Variants in ACOXL observed in about 807,000 individuals in gnomAD.
ACOXL encodes acyl-coenzyme A oxidase-like protein.
A neutral mutation model predicts 71.9 loss-of-function variants in ACOXL; 70 were observed. The ratio of observed to expected loss-of-function variants is 0.97; its 90% confidence interval spans 0.80 to 1.19. The LOEUF (loss-of-function observed/expected upper bound fraction) is 1.19. Among genes scored for constraint, ACOXL ranks in the 50% most tolerant of loss-of-function variants. The probability of loss-of-function intolerance (pLI) is 0.00; values close to 1 mark genes in which losing one functional copy is unlikely to be tolerated. For missense variants in ACOXL, 703 were observed against 736.3 expected (o/e 0.95, Z 0.52); for synonymous variants, 253 against 281.6 (o/e 0.90, Z 1.02).
intron 2 of ACOXL, among the ~76,000 whole-genome samples, chr2:110,783,901 T>A (rs72832815): frequency 0.037 from 5,657 of 152,214 alleles, 133 homozygotes; most frequent in African/African-American, 0.056. Context: ...AAATGAAACA[T>A]GTACAGTGTT....
At chr2:110,818,834 C>CAAGGGTTTTGACATGATGCCACGCTA (rs1573669668) in intron 9 of ACOXL, among the ~76,000 whole-genome samples, 20 of 127,562 alleles carry the variant, frequency 1.6e-4, no homozygotes, top group South Asian at 5.5e-4. Context: ...GTGCTGATGT[C>CAAGGGTTTTGACATGATGCCACGCTA]AGCACCCTGG....
intron 12 of ACOXL, among the ~76,000 whole-genome samples, chr2:110,974,365 C>A (rs2062351863): frequency 6.6e-6 from 1 of 152,204 alleles, no homozygotes; most frequent in African/African-American, 2.4e-5. Flanking sequence ...TTTCTGCAGG[C>A]TTTACATGTT....
intron 1 of ACOXL, among the ~76,000 whole-genome samples, chr2:110,739,297 G>A (rs925770499): frequency 1.3e-5 from 2 of 152,188 alleles, no homozygotes; most frequent in South Asian, 2.1e-4. Context: ...AATTCCTCCA[G>A]TGATGAATCT....
At chr2:110,990,257 C>G (rs907361717) in intron 13 of ACOXL, among the ~76,000 whole-genome samples, 1 of 152,092 alleles carries the variant, frequency 6.6e-6, no homozygotes, top group African/African-American at 2.4e-5. Context: ...TCCATACATA[C>G]TATATCCTTT....
chr2:110,761,541 T>C (rs1182409368), intron 1 of ACOXL, among the ~76,000 whole-genome samples: 1 of 152,238 alleles, frequency 6.6e-6, no homozygotes, highest in Non-Finnish European at 1.5e-5. Flanking sequence ...GAATATAATT[T>C]GGCTGAGGCT....
intron 16 of ACOXL, among the ~76,000 whole-genome samples, chr2:111,080,286 C>G (rs1293893704): frequency 1.3e-5 from 2 of 152,080 alleles, no homozygotes; most frequent in Non-Finnish European, 1.5e-5. Context: ...GCTCTTGCTT[C>G]TGTAGTTCTT....
chr2:111,084,299 A>G (rs2068087931), intron 16 of ACOXL, among the ~76,000 whole-genome samples: 1 of 146,992 alleles, frequency 6.8e-6, no homozygotes, highest in Non-Finnish European at 1.5e-5. Flanking sequence ...ACACACACAC[A>G]CACACACACA....
chr2:110,935,566 C>G (rs1450831817), intron 12 of ACOXL, among the ~76,000 whole-genome samples: 1 of 152,192 alleles, frequency 6.6e-6, no homozygotes, highest in Non-Finnish European at 1.5e-5. Flanking sequence ...TAACCCCACC[C>G]TGTTAGAGAA....
chr2:110,881,149 G>T (rs1206254257), intron 10 of ACOXL, among the ~76,000 whole-genome samples: 3 of 151,098 alleles, frequency 2.0e-5, no homozygotes, highest in African/African-American at 7.3e-5. Flanking sequence ...ATATTTATAT[G>T]TATATGTATG....
rs867662724 is a variant in ACOXL, at chr2:111,083,076, T to C, written c.1441-9789T>C. On this transcript the variant is annotated intron_variant, in intron 16 of 17. Coordinates refer to ENST00000439055, the MANE Select transcript of ACOXL (RefSeq NM_001142807.4). The stretch of plus-strand genomic sequence containing the variant: ...GAGGGATAGCATTAGGAGAAATACC[T>C]AATGTAGATGATGGGTTGATGGGTT... 3.3e-5 allele frequency among the ~76,000 whole-genome samples: 5 copies of C among 152,194 alleles called. No individual in the cohort carries two copies. In the South Asian group the frequency reaches 1.0e-3, roughly 32 times the overall value.
chr2:110,820,465 C>G (rs1458260724), intron 9 of ACOXL, among the ~76,000 whole-genome samples: 1 of 151,252 alleles, frequency 6.6e-6, no homozygotes, highest in Non-Finnish European at 1.5e-5. Flanking sequence ...GAGGAAATTT[C>G]AAGCAGGTGC....
intron 10 of ACOXL, among the ~76,000 whole-genome samples, chr2:110,908,408 T>C (rs1027695492): frequency 6.6e-6 from 1 of 152,238 alleles, no homozygotes; most frequent in African/African-American, 2.4e-5. Flanking sequence ...TTTTGAAATA[T>C]GTTCTAGGGT....
chr2:110,811,784 C>CACACACAG (rs1687363801), intron 9 of ACOXL, among the ~76,000 whole-genome samples: 1 of 150,040 alleles, frequency 6.7e-6, no homozygotes, highest in African/African-American at 2.5e-5. Context: ...CACACACACA[C>CACACACAG]ACGCGGGGAG....
chr2:111,064,564 GTTGTA>G (rs2066976137), intron 16 of ACOXL, among the ~76,000 whole-genome samples: 1 of 151,732 alleles, frequency 6.6e-6, no homozygotes, highest in South Asian at 2.1e-4. Flanking sequence ...GTAAGTAGTT[GTTGTA>G]TTGTTTAGGG....
At chr2:111,071,657 A>G (rs1234626838) in intron 16 of ACOXL, among the ~76,000 whole-genome samples, 2 of 152,204 alleles carry the variant, frequency 1.3e-5, no homozygotes, top group East Asian at 3.8e-4. Context: ...CCATGCATTA[A>G]TAAGCTTTGT....
intron 10 of ACOXL, among the ~76,000 whole-genome samples, chr2:110,843,370 A>G (rs1395216313): frequency 1.3e-5 from 2 of 152,212 alleles, no homozygotes; most frequent in African/African-American, 4.8e-5. Flanking sequence ...CATTCCTCCA[A>G]ACTGTGAAAG....
intron 12 of ACOXL, among the ~76,000 whole-genome samples, chr2:110,969,388 G>T (rs1417905118): frequency 6.6e-6 from 1 of 152,138 alleles, no homozygotes; most frequent in Non-Finnish European, 1.5e-5. Context: ...CAAAAGGCTG[G>T]CTCTGAAAAG....
intron 3 of ACOXL, among the ~76,000 whole-genome samples, chr2:110,786,382 C>T (rs566070482): frequency 3.3e-5 from 5 of 152,302 alleles, no homozygotes; most frequent in South Asian, 4.1e-4. Context: ...CAGATTTTTC[C>T]AGGAAGACTG....
At chr2:110,767,970 ACACACACAC>A (rs1681326092) in intron 1 of ACOXL, among the ~76,000 whole-genome samples, 2 of 144,614 alleles carry the variant, frequency 1.4e-5, no homozygotes, top group Non-Finnish European at 1.5e-5. Flanking sequence ...ACACACACAC[ACACACACAC>A]AAATTAGCTG....
Sources: allele counts gnomAD v4.1 joint callset (sites outside exome capture counted in the v4.1 genomes callset), GRCh38; gene constraint gnomAD v4.1.1; transcripts MANE v1.5; gene names NCBI Gene and HGNC (gene_info 2026-07-23, HGNC 2026-07-21).